The following ABHD17C variants were observed in gnomAD, a reference collection of about 807,000 sequenced individuals.
The protein encoded by ABHD17C is abhydrolase domain containing 17C, depalmitoylase.
In ABHD17C, 11 loss-of-function variants were observed where a neutral mutation model predicts 27.9. That is an observed-to-expected ratio of 0.39 (90% confidence interval 0.25 to 0.65). ABHD17C has a LOEUF of 0.65. Among genes scored for constraint, ABHD17C ranks in the 30% least tolerant of loss-of-function variants. The probability of loss-of-function intolerance (pLI) is 0.45; values close to 1 mark genes in which losing one functional copy is unlikely to be tolerated. For synonymous variants in ABHD17C, 233 were observed against 209.1 expected (o/e 1.11, Z -0.98); for missense variants, 280 against 470.2 (o/e 0.60, Z 3.74).
chr15:80,726,288 C>T (rs1894973999), intron 1 of ABHD17C, among the ~76,000 whole-genome samples: 1 of 152,158 alleles, frequency 6.6e-6, no homozygotes, highest in African/African-American at 2.4e-5. Context: ...GTGTTAGGGC[C>T]ACCATGAACA....
intron 1 of ABHD17C, among the ~76,000 whole-genome samples, chr15:80,708,902 C>T (rs1189817470): frequency 3.3e-5 from 5 of 152,118 alleles, no homozygotes; most frequent in Non-Finnish European, 7.3e-5. Context: ...ATTTTAAACC[C>T]GCAGGCCTGC....
chr15:80,746,939 CAG>C (rs1281809967), intron 1 of ABHD17C, among the ~76,000 whole-genome samples: 1 of 152,090 alleles, frequency 6.6e-6, no homozygotes, highest in Non-Finnish European at 1.5e-5. Flanking sequence ...CCTCTCAGAC[CAG>C]ATTTTATCAA....
intron 1 of ABHD17C, among the ~76,000 whole-genome samples, chr15:80,747,649 G>A (rs1331995277): frequency 6.6e-6 from 1 of 152,158 alleles, no homozygotes; most frequent in African/African-American, 2.4e-5. Flanking sequence ...AACCTGTTAC[G>A]CCAACGGGAA....
intron 1 of ABHD17C, among the ~76,000 whole-genome samples, chr15:80,735,304 C>T (rs1054794461): frequency 6.6e-6 from 1 of 152,202 alleles, no homozygotes; most frequent in African/African-American, 2.4e-5. Flanking sequence ...AAAAATCCAA[C>T]TCTACCTATT....
At position 80,695,674 on chromosome 15, in the gene ABHD17C, C is replaced by T. The variant is rs1441071119; in HGVS notation, c.245C>T (p.Ala82Val). ...APQQPEEGAGAGPGACSLHLS... is the reference protein window; with the variant it reads ...APQQPEEGAGVGPGACSLHLS... ...CAGCAGCCCGAGGAGGGCGCGGGCG[C>T]GGGGCCCGGTGCGTGCAGCCTGCAC... The change falls in exon 1 of 3, where the codon GCG becomes GTG. Residue 82 changes from alanine to valine, a missense_variant. Physicochemically the swap from Ala to Val is moderately conservative, Grantham distance 64 (BLOSUM62 0). Coordinates refer to ENST00000258884, the MANE Select transcript of ABHD17C (RefSeq NM_021214.2). The surrounding 1 kb of genome is among the most constrained non-coding windows in gnomAD (Gnocchi z 4.3). 3 of 1,447,404 alleles carry T rather than the reference C, an allele frequency of 2.1e-6. No individual in the cohort carries two copies. Among genetic ancestry groups the T allele is most frequent in the Non-Finnish European group, 1.8e-6 (2 of 1,110,164 alleles). The allele number at this position is 1,447,404 out of a possible 1,614,324, so 89.7% of individuals were successfully genotyped here.
At position 80,754,496 on chromosome 15, in the gene ABHD17C, A is replaced by C. The variant is rs1055543578; in HGVS notation, c.*126A>C. The C allele has an allele frequency of 1.3e-6, 1 of 743,926 alleles. No individual in the cohort carries two copies. Among genetic ancestry groups the C allele is most frequent in the Non-Finnish European group, 2.1e-6 (1 of 467,332 alleles). The allele number at this position is 743,926 out of a possible 1,614,324, so 46.1% of individuals were successfully genotyped here. A position where few individuals can be genotyped will look rare whatever the true frequency, so the allele number is the denominator to read the frequency against. ...AAGTGCCCAACCTTTAGGGTGTTCT[A>C]ATCAAAGAGCTGATGAAATCTCAGT... On this transcript the variant is annotated 3_prime_UTR_variant, in exon 3 of 3. Transcript: ENST00000258884.
intron 1 of ABHD17C, chr15:80,703,087 G>C (rs145378379): frequency 6.6e-6 from 1 of 152,328 alleles, no homozygotes; most frequent in African/African-American, 2.4e-5. Flanking sequence ...TTTGGTGTCC[G>C]ATGATGACTG....
chr15:80,710,624 T>C (rs1179129666), intron 1 of ABHD17C, among the ~76,000 whole-genome samples: 5 of 152,356 alleles, frequency 3.3e-5, no homozygotes, highest in East Asian at 1.9e-4. Context: ...CAACAGTATT[T>C]GCTGATGCAG....
chr15:80,746,502 T>A (rs1453150301), intron 1 of ABHD17C, among the ~76,000 whole-genome samples: 2 of 152,164 alleles, frequency 1.3e-5, no homozygotes, highest in Non-Finnish European at 2.9e-5. Flanking sequence ...CAGTGAAACT[T>A]TGAGTTGGTT....
chr15:80,754,407 A>G lies in ABHD17C; in HGVS notation c.*37A>G, dbSNP rs191081495. The G allele has an allele frequency of 1.9e-6, 3 of 1,554,496 alleles. No individual in the cohort carries two copies. The highest frequency in any genetic ancestry group is 2.3e-5 in the East Asian group (1 of 43,792). On this transcript the variant is annotated 3_prime_UTR_variant, in exon 3 of 3. Transcript: ENST00000258884. The stretch of plus-strand genomic sequence containing the variant: ...TGATCTTACCTCATTTACTGTGAAC[A>G]GAAGAGTCCTCTGTTTTGCACATGC...
At position 80,696,033 on chromosome 15, in the gene ABHD17C, G is replaced by A. The variant is rs776882567; in HGVS notation, c.590+14G>A. 2 of 1,547,222 alleles carry A rather than the reference G, an allele frequency of 1.3e-6. No individual in the cohort carries two copies. Among genetic ancestry groups the A allele is most frequent in the African/African-American group, 1.4e-5 (1 of 73,700 alleles). On this transcript the variant is annotated intron_variant, in intron 1 of 2. Coordinates refer to ENST00000258884, the MANE Select transcript of ABHD17C (RefSeq NM_021214.2). ...GCTGCGCACCCGGTGAGCCTGCCGG[G>A]GTCGCCAGGCCTGACTTCCAGCTGT...
chr15:80,753,211 A>C (rs990569458), intron 2 of ABHD17C, among the ~76,000 whole-genome samples: 1 of 151,810 alleles, frequency 6.6e-6, no homozygotes, highest in Admixed American at 6.6e-5. Flanking sequence ...AAAAAAATCT[A>C]AAAGTAATAT....
intron 1 of ABHD17C, among the ~76,000 whole-genome samples, chr15:80,732,317 C>T (rs575632146): frequency 1.7e-3 from 263 of 152,358 alleles, no homozygotes; most frequent in Non-Finnish European, 3.2e-3. Context: ...CTGCCAGCTT[C>T]TGTAATTCAC....
At chr15:80,698,177 A>G (rs560799492) in intron 1 of ABHD17C, among the ~76,000 whole-genome samples, 45 of 144,028 alleles carry the variant, frequency 3.1e-4, no homozygotes, top group South Asian at 6.5e-4. Flanking sequence ...CCATTCTCCT[A>G]CCTCAGCCTC....
chr15:80,741,188 A>G (rs1277063405), intron 1 of ABHD17C, among the ~76,000 whole-genome samples: 1 of 151,966 alleles, frequency 6.6e-6, no homozygotes, highest in East Asian at 1.9e-4. Flanking sequence ...GAGGCCACCA[A>G]ACATACTGCA....
At chr15:80,738,300 A>G (rs555890413) in intron 1 of ABHD17C, among the ~76,000 whole-genome samples, 1 of 152,322 alleles carries the variant, frequency 6.6e-6, no homozygotes, top group East Asian at 1.9e-4. Flanking sequence ...AGAAACCAAC[A>G]GGATAGGACA....
chr15:80,742,026 G>T (rs1366887025), intron 1 of ABHD17C, among the ~76,000 whole-genome samples: 2 of 152,148 alleles, frequency 1.3e-5, no homozygotes, highest in Non-Finnish European at 2.9e-5. Context: ...TCAGAATTAG[G>T]AATTGTTTAT....
At position 80,732,862 on chromosome 15, in the gene ABHD17C, G is replaced by T. The variant is rs565884866; in HGVS notation, c.591-16651G>T. Among the ~76,000 whole-genome samples, 14 of 152,338 alleles carry T rather than the reference G, an allele frequency of 9.2e-5. No individual in the cohort carries two copies. In the South Asian group the frequency reaches 2.5e-3, roughly 27 times the overall value. ...ATGGAATAAGTGGGCCAGCATTCAG[G>T]TTTCAGTTCACATGTGGCCTTGTGG... On this transcript the variant is annotated intron_variant, in intron 1 of 2. Transcript: ENST00000258884.
At chr15:80,738,000 TG>T (rs1282404780) in intron 1 of ABHD17C, among the ~76,000 whole-genome samples, 6 of 152,072 alleles carry the variant, frequency 3.9e-5, no homozygotes, top group African/African-American at 9.7e-5. Flanking sequence ...ATATATCTGT[TG>T]GGAAGGACGG....
Sources: gnomAD v4.1 joint callset for allele counts (sites outside exome capture counted in the v4.1 genomes callset) on GRCh38, gnomAD v4.1.1 for gene constraint, Gnocchi (gnomAD v3.1) non-coding constraint, MANE v1.5 for transcripts, NCBI Gene and HGNC (gene_info 2026-07-23, HGNC 2026-07-21) for gene names.